The following PALLD variants were observed in gnomAD, a reference collection of about 807,000 sequenced individuals.
PALLD encodes the protein palladin.
Under a neutral mutation model 123.5 loss-of-function variants are expected in PALLD, and 61 were observed. The ratio of observed to expected loss-of-function variants is 0.49; its 90% CI spans 0.40 to 0.61. The LOEUF (loss-of-function observed/expected upper bound fraction) is 0.61. Ranked by LOEUF, PALLD falls within the 20% of genes least tolerant of loss-of-function variation. The probability of loss-of-function intolerance (pLI) is 0.00; values close to 1 mark genes in which losing one functional copy is unlikely to be tolerated. For missense variants in PALLD, 1,273 were observed against 1,377.0 expected, an observed-to-expected ratio of 0.92 and a Z score of 1.20; for synonymous variants, 465 against 496.4, an observed-to-expected ratio of 0.94 and a Z score of 0.84.
intron 10 of PALLD, 40 bp downstream of exon 10, chr4:168,711,963 C>A: frequency 6.5e-7 from 1 of 1,541,128 alleles, no homozygotes; most frequent in South Asian, 1.1e-5. Flanking sequence ...TTTCCATACC[C>A]CTGTTACATT....
rs1458061434 is a variant in PALLD at position 168,878,394 on chromosome 4, C to T, written c.1965-12528C>T. The T allele has an allele frequency of 5.4e-6, 8 of 1,486,636 alleles. No homozygotes were observed. The East Asian group carries it at 1.6e-4, about 29-fold the overall frequency. 92.1% of individuals were successfully genotyped at this position (1,486,636 alleles called of 1,614,324 possible). On this transcript the variant is annotated intron_variant, in intron 10 of 21. Coordinates refer to ENST00000505667, the MANE Select transcript of PALLD (RefSeq NM_001166108.2). ...GGGCTGCCCAAGGGTGTCACCCCCGCGTGAGTAACCGCCGCGGTCCTCCAC... is the reference window on the plus strand; with the variant it reads ...GGGCTGCCCAAGGGTGTCACCCCCGTGTGAGTAACCGCCGCGGTCCTCCAC...
intron 10 of PALLD, among the ~76,000 whole-genome samples, chr4:168,815,035 C>T (rs766335835): frequency 2.0e-5 from 3 of 152,114 alleles, no homozygotes; most frequent in Admixed American, 6.5e-5. Flanking sequence ...CCTCCCAAAG[C>T]GCTGGGATTA....
At chr4:168,705,031 T>C (rs1223339547) in intron 8 of PALLD, among the ~76,000 whole-genome samples, 1 of 152,158 alleles carries the variant, frequency 6.6e-6, no homozygotes, top group Non-Finnish European at 1.5e-5. Flanking sequence ...CCTACTTACA[T>C]CTTATATTTC....
At position 168,807,887 on chromosome 4, in the gene PALLD, G is replaced by A. The variant is rs963857150; in HGVS notation, c.1965-83035G>A. ...TGCCCAGCTAATTTTTGTATTTTTA[G>A]TAGAGACAGGGTTTCACCATGTTGG... On this transcript the variant is annotated intron_variant, in intron 10 of 21. Transcript: ENST00000505667. Among the ~76,000 whole-genome samples the A allele has an allele frequency of 4.6e-5, 7 of 151,372 alleles. 1 individual carries two copies. The South Asian group carries it at 1.5e-3, about 32-fold the overall frequency.
At position 168,764,893 on chromosome 4, in the gene PALLD, G is replaced by A. The variant is rs940770457; in HGVS notation, c.1964+52970G>A. The stretch of plus-strand genomic sequence containing the variant: ...TTTCCATTGCCTCCTCCTGGTCAGA[G>A]CATGCTGAGTGAGCTTCACTTAAAG... On this transcript the variant is annotated intron_variant, in intron 10 of 21. Transcript: ENST00000505667. 4.6e-5 allele frequency among the ~76,000 whole-genome samples: 7 copies of A among 152,150 alleles called. 1 individual carries two copies. Among genetic ancestry groups the A allele is most frequent in the African/African-American group, 1.7e-4 (7 of 41,440 alleles).
chr4:168,891,155 T>C, intron 11 of PALLD, 98 bp downstream of exon 11: 2 of 1,133,466 alleles, frequency 1.8e-6, no homozygotes, highest in East Asian at 4.9e-5. Flanking sequence ...GTCCACAACA[T>C]CATCATTATT....
At chr4:168,820,076 A>C (rs1218956478) in intron 10 of PALLD, among the ~76,000 whole-genome samples, 1 of 152,242 alleles carries the variant, frequency 6.6e-6, no homozygotes, top group Non-Finnish European at 1.5e-5. Flanking sequence ...CGAAAGACTT[A>C]AGAGTTTGAA....
At chr4:168,552,061 T>C (rs932233286) in intron 2 of PALLD, among the ~76,000 whole-genome samples, 1 of 152,060 alleles carries the variant, frequency 6.6e-6, no homozygotes, top group Non-Finnish European at 1.5e-5. Flanking sequence ...ATCTTTGAGA[T>C]TTACCCTATA....
chr4:168,583,391 T>C (rs919088151), intron 2 of PALLD, among the ~76,000 whole-genome samples: 1 of 152,194 alleles, frequency 6.6e-6, no homozygotes, highest in Non-Finnish European at 1.5e-5. Flanking sequence ...TGCATACGAA[T>C]CACCTGAGGA....
At chr4:168,665,296 C>G (rs1199582842) in intron 2 of PALLD, among the ~76,000 whole-genome samples, 1 of 152,112 alleles carries the variant, frequency 6.6e-6, no homozygotes, top group Non-Finnish European at 1.5e-5. Context: ...TAAGTTTTTC[C>G]AGGGTAGAGG....
chr4:168,564,004 C>T (rs1561251867), intron 2 of PALLD, among the ~76,000 whole-genome samples: 1 of 152,190 alleles, frequency 6.6e-6, no homozygotes, highest in Non-Finnish European at 1.5e-5. Context: ...GCCTTCATCA[C>T]CCTTCTCCCA....
chr4:168,898,243 G>T, intron 13 of PALLD: 1 of 529,410 alleles, frequency 1.9e-6, no homozygotes, highest in Non-Finnish European at 3.4e-6. Context: ...GAGAAAAGAA[G>T]GAAAAAAAAA....
chr4:168,711,914 A>C lies in PALLD; in HGVS notation c.1955A>C (p.Lys652Thr), dbSNP rs370665218. Residue 652 changes from lysine (K) to threonine (T), a missense_variant, in exon 10 of 22, where the codon AAA (lysine) becomes ACA (threonine). Transcript: ENST00000505667. ...PTKEPPPLLA[K>T]PKLGFPKKAS... Reference sequence around the variant, plus strand: ...AAGGAGCCACCACCTCTGCTTGCCAAACCAAAACTGTGAGTATTTCTGCAT... The same window carrying C: ...AAGGAGCCACCACCTCTGCTTGCCACACCAAAACTGTGAGTATTTCTGCAT... The C allele has an allele frequency of 1.2e-6, 2 of 1,612,580 alleles. No homozygotes were observed. The highest frequency in any genetic ancestry group is 1.7e-6 in the Non-Finnish European group (2 of 1,178,674).
chr4:168,792,560 C>G (rs1470047932), intron 10 of PALLD, among the ~76,000 whole-genome samples: 2 of 151,892 alleles, frequency 1.3e-5, no homozygotes, highest in East Asian at 3.9e-4. Context: ...CGTTCCTCAA[C>G]TCAAGCCTCC....
At chr4:168,519,346 G>A (rs1022863837) in intron 2 of PALLD, among the ~76,000 whole-genome samples, 4 of 152,154 alleles carry the variant, frequency 2.6e-5, no homozygotes, top group Admixed American at 6.5e-5. Flanking sequence ...TCCTCATGAT[G>A]TATCAATAAG....
intron 10 of PALLD, among the ~76,000 whole-genome samples, chr4:168,752,830 T>TG (rs201342658): frequency 0.018 from 2,741 of 152,200 alleles, 69 homozygotes; most frequent in African/African-American, 0.06. Context: ...CAATGTATAT[T>TG]ATTATTATTT....
At chr4:168,783,452 GGA>G (rs1736242629) in intron 10 of PALLD, among the ~76,000 whole-genome samples, 1 of 152,100 alleles carries the variant, frequency 6.6e-6, no homozygotes, top group Admixed American at 6.5e-5. Flanking sequence ...TCTAAAGACG[GGA>G]GAGACAGGAG....
intron 10 of PALLD, among the ~76,000 whole-genome samples, chr4:168,761,641 G>GTTTTTT (rs1230404942): frequency 1.5e-3 from 18 of 11,622 alleles, no homozygotes; most frequent in Admixed American, 2.8e-3. Context: ...TGTTGTTGTT[G>GTTTTTT]TTTGTTTTTT....
intron 10 of PALLD, among the ~76,000 whole-genome samples, chr4:168,800,964 A>G (rs1185913284): frequency 1.3e-5 from 2 of 152,360 alleles, no homozygotes; most frequent in African/African-American, 2.4e-5. Flanking sequence ...ACGAAACAAC[A>G]TGATAAATCT....
Sources: gnomAD v4.1 joint callset for allele counts (sites outside exome capture counted in the v4.1 genomes callset) on GRCh38, gnomAD v4.1.1 for gene constraint, MANE v1.5 for transcripts, NCBI Gene and HGNC (gene_info 2026-07-23, HGNC 2026-07-21) for gene names.